NHEJ1: variants seen among roughly 807,000 people sequenced by gnomAD.
NHEJ1 encodes the protein non-homologous end joining factor 1, also known as non-homologous end-joining factor 1.
A neutral mutation model predicts 39.4 loss-of-function variants in NHEJ1; 22 were observed. That is an observed-to-expected ratio of 0.56 (90% CI 0.40 to 0.80). NHEJ1 has a LOEUF of 0.80. Among genes scored for constraint, NHEJ1 ranks in the 30% least tolerant of loss-of-function variants. NHEJ1 has a pLI of 0.00. For missense variants in NHEJ1, 329 were observed against 357.1 expected (o/e 0.92, Z 0.63); for synonymous variants, 154 against 135.6 (o/e 1.14, Z -0.94).
At chr2:219,147,441 C>G (rs1038396599) in intron 4 of NHEJ1, among the ~76,000 whole-genome samples, 1 of 152,220 alleles carries the variant, frequency 6.6e-6, no homozygotes, top group Admixed American at 6.5e-5. Flanking sequence ...GAGATCATAC[C>G]ACTACACTCC....
chr2:219,121,123 T>A (rs1949467263), intron 5 of NHEJ1, among the ~76,000 whole-genome samples: 1 of 152,038 alleles, frequency 6.6e-6, no homozygotes, highest in Admixed American at 6.5e-5. Flanking sequence ...CCAGAATCAC[T>A]TGAACCCGGG....
intron 5 of NHEJ1, among the ~76,000 whole-genome samples, chr2:219,098,368 T>C (rs1286708057): frequency 6.6e-6 from 1 of 152,134 alleles, no homozygotes; most frequent in South Asian, 2.1e-4. Flanking sequence ...ATAACAATCT[T>C]ATAGAAAACA....
At chr2:219,147,907 A>G in intron 3 of NHEJ1, 112 bp from the exon 4 acceptor site, 1 of 1,073,468 alleles carries the variant, frequency 9.3e-7, no homozygotes, top group Non-Finnish European at 1.4e-6. Flanking sequence ...AGAAACTTAT[A>G]GTTTCATAGG....
chr2:219,074,624 C>G lies in NHEJ1; in HGVS notation c.*1757G>C, dbSNP rs1948995274. Among the ~76,000 whole-genome samples, 1 of 151,850 alleles carries G rather than the reference C, an allele frequency of 6.6e-6. No individual in the cohort carries two copies. The highest frequency in any genetic ancestry group is 1.5e-5 in the Non-Finnish European group (1 of 67,982). ...CCGGGCTTGGTGGCAGGCATCTAAT[C>G]CCAGCTACTCGGGAGGCTGAGGCAG... On this transcript the variant is annotated 3_prime_UTR_variant, in exon 8 of 8. Coordinates refer to ENST00000356853, the MANE Select transcript of NHEJ1 (RefSeq NM_024782.3).
intron 5 of NHEJ1, among the ~76,000 whole-genome samples, chr2:219,104,370 A>T (rs1458403577): frequency 6.6e-6 from 1 of 152,212 alleles, no homozygotes; most frequent in Non-Finnish European, 1.5e-5. Context: ...AGAGCTCCAG[A>T]ACTGACAGAA....
At chr2:219,078,965 A>C (rs1297701584) in intron 5 of NHEJ1, among the ~76,000 whole-genome samples, 1 of 152,250 alleles carries the variant, frequency 6.6e-6, no homozygotes. Flanking sequence ...AAATGTCTTA[A>C]AAGGTTCCTT....
chr2:219,080,202 C>G (rs1329653359), intron 5 of NHEJ1, among the ~76,000 whole-genome samples: 1 of 152,086 alleles, frequency 6.6e-6, no homozygotes, highest in Non-Finnish European at 1.5e-5. Context: ...TCAGAAAAGT[C>G]CTAGGAACAG....
intron 5 of NHEJ1, among the ~76,000 whole-genome samples, chr2:219,138,772 G>A (rs1159745341): frequency 2.6e-5 from 4 of 152,178 alleles, no homozygotes; most frequent in Non-Finnish European, 5.9e-5. Flanking sequence ...AGGTGCAGGG[G>A]GGACAAATGG....
chr2:219,127,716 C>G (rs373641504), intron 5 of NHEJ1, among the ~76,000 whole-genome samples: 12 of 152,320 alleles, frequency 7.9e-5, no homozygotes, highest in South Asian at 6.2e-4. Flanking sequence ...GACCTTATAT[C>G]TAGATGATAA....
chr2:219,139,446 T>C (rs1291496262), intron 5 of NHEJ1, among the ~76,000 whole-genome samples: 1 of 152,090 alleles, frequency 6.6e-6, no homozygotes, highest in Non-Finnish European at 1.5e-5. Context: ...TGAGTAGCCC[T>C]ATGGACAGGC....
rs528690344 is a variant in NHEJ1 at position 219,109,334 on chromosome 2, T to C, written c.589-31128A>G. Among the ~76,000 whole-genome samples, 81 of 152,270 alleles carry C rather than the reference T, an allele frequency of 5.3e-4. 1 individual carries two copies. Among genetic ancestry groups the C allele is most frequent in the Non-Finnish European group, 7.4e-4 (50 of 68,008 alleles). The stretch of plus-strand genomic sequence containing the variant: ...TCCCAGCCCCAAATGGTCCCAAATC[T>C]TTCCTCCCAAGACCACAAAGGATAA... On this transcript the variant is annotated intron_variant, in intron 5 of 7. Coordinates refer to ENST00000356853, the MANE Select transcript of NHEJ1 (RefSeq NM_024782.3).
intron 5 of NHEJ1, among the ~76,000 whole-genome samples, chr2:219,132,293 T>C (rs769953272): frequency 6.6e-6 from 1 of 152,236 alleles, no homozygotes; most frequent in Non-Finnish European, 1.5e-5. Flanking sequence ...GTATGAGAGG[T>C]TACCCCAAAT....
At chr2:219,117,191 G>A (rs1293767249) in intron 5 of NHEJ1, among the ~76,000 whole-genome samples, 3 of 152,130 alleles carry the variant, frequency 2.0e-5, no homozygotes, top group African/African-American at 7.2e-5. Flanking sequence ...GCTCGACCTG[G>A]CCTGGCCCAG....
chr2:219,110,849 C>T (rs75689612), intron 5 of NHEJ1, among the ~76,000 whole-genome samples: 1 of 152,118 alleles, frequency 6.6e-6, no homozygotes, highest in Non-Finnish European at 1.5e-5. Context: ...AGTCCATATG[C>T]TACTGTTCAT....
chr2:219,084,012 T>A (rs1949090228), intron 5 of NHEJ1, among the ~76,000 whole-genome samples: 1 of 151,378 alleles, frequency 6.6e-6, no homozygotes, highest in Non-Finnish European at 1.5e-5. Flanking sequence ...CTTTGCTTTT[T>A]TTTTTTTTTT....
At position 219,111,692 on chromosome 2, in the gene NHEJ1, A is replaced by G. The variant is rs1279323020; in HGVS notation, c.589-33486T>C. 6.7e-6 allele frequency among the ~76,000 whole-genome samples: 1 copy of G among 149,738 alleles called. No homozygotes were observed. The highest frequency in any genetic ancestry group is 2.5e-5 in the African/African-American group (1 of 40,440). The stretch of plus-strand genomic sequence containing the variant: ...AGATACATACAGTCAGTGGGAAAGA[A>G]GGGGAAAGGAAAGCACACACAACAC... On this transcript the variant is annotated intron_variant, in intron 5 of 7. Transcript: ENST00000356853. The surrounding 1 kb of genome is among the most constrained non-coding windows in gnomAD (Gnocchi z 4.1).
rs116265823 is a variant in NHEJ1, at chr2:219,148,054, T to C, written c.391-259A>G. 0.012 allele frequency among the ~76,000 whole-genome samples: 1,895 copies of C among 152,110 alleles called. 45 individuals carry two copies. The highest frequency in any genetic ancestry group is 0.043 in the African/African-American group (1,770 of 41,486). ...CGGGTGGGTCACTTGAGGTCAGGAG[T>C]TTGACACAAGCACGGCCAACATGGC... On this transcript the variant is annotated intron_variant, in intron 3 of 7. Transcript: ENST00000356853.
At chr2:219,159,540 T>TATATATATATGCATATATATATGC (rs1189356786) in intron 1 of NHEJ1, among the ~76,000 whole-genome samples, 10 of 33,022 alleles carry the variant, frequency 3.0e-4, no homozygotes, top group African/African-American at 1.3e-3. Context: ...TATATATGCA[T>TATATATATATGCATATATATATGC]ATATATATAT....
At chr2:219,080,499 TG>T (rs1287776820) in intron 5 of NHEJ1, among the ~76,000 whole-genome samples, 10 of 150,480 alleles carry the variant, frequency 6.6e-5, no homozygotes, top group Admixed American at 3.3e-4. Flanking sequence ...CACTCCAGCC[TG>T]GGCGACAGAG....
Sources: allele counts gnomAD v4.1 joint callset (sites outside exome capture counted in the v4.1 genomes callset), GRCh38; gene constraint gnomAD v4.1.1; non-coding constraint Gnocchi (gnomAD v3.1); transcripts MANE v1.5; gene names NCBI Gene and HGNC (gene_info 2026-07-23, HGNC 2026-07-21).